The following TRIM37 variants were observed in gnomAD, a reference collection of about 807,000 sequenced individuals.
The protein encoded by TRIM37 is E3 ubiquitin-protein ligase TRIM37.
A neutral mutation model predicts 129.8 loss-of-function variants in TRIM37; 80 were observed. That is an observed-to-expected ratio of 0.62 (90% confidence interval 0.51 to 0.74). The LOEUF (loss-of-function observed/expected upper bound fraction) is 0.74. Among genes scored for constraint, TRIM37 ranks in the 30% least tolerant of loss-of-function variants. TRIM37 has a pLI of 0.00. For synonymous variants in TRIM37, 389 were observed against 387.1 expected (o/e 1.00, Z -0.06); for missense variants, 1,054 against 1,176.5 (o/e 0.90, Z 1.52).
At chr17:59,003,607 G>A (rs2034068145) in intron 22 of TRIM37, among the ~76,000 whole-genome samples, 1 of 143,606 alleles carries the variant, frequency 7.0e-6, no homozygotes, top group African/African-American at 2.6e-5. Flanking sequence ...TTGAATGACA[G>A]CAAAACTGGC....
intron 24 of TRIM37, among the ~76,000 whole-genome samples, chr17:58,986,136 T>C (rs1262788959): frequency 6.6e-6 from 1 of 152,188 alleles, no homozygotes; most frequent in Non-Finnish European, 1.5e-5. Flanking sequence ...CTGTCTGTAC[T>C]GACAAGCTGC....
At chr17:59,037,607 T>A (rs1190539278) in intron 17 of TRIM37, among the ~76,000 whole-genome samples, 2 of 151,022 alleles carry the variant, frequency 1.3e-5, no homozygotes, top group African/African-American at 2.4e-5. Flanking sequence ...TTAATTTTTT[T>A]ATTTTAGTAT....
At chr17:59,025,527 G>A (rs923191264) in intron 19 of TRIM37, among the ~76,000 whole-genome samples, 6 of 151,978 alleles carry the variant, frequency 3.9e-5, no homozygotes, top group African/African-American at 1.5e-4. Flanking sequence ...CAATGGGGAA[G>A]AGACAGTTGT....
rs762912390 is a variant in TRIM37 at position 59,081,953 on chromosome 17, TAAAAAAAA to T, written c.370-742_370-735del. 4.3e-3 allele frequency among the ~76,000 whole-genome samples: 484 copies of T among 113,316 alleles called. 4 individuals are homozygous for T. Among genetic ancestry groups the T allele is most frequent in the Non-Finnish European group, 5.6e-3 (323 of 58,054 alleles). The allele number at this position is 113,316 out of a possible 152,430, so 74.3% of individuals were successfully genotyped here. ...AATAAAAACCAAAAAAAAAAAAAAA[TAAAAAAAA>T]AAAAATAATAATAATAATAATAATA... is the stretch of plus-strand genomic sequence containing the variant. On this transcript the variant is annotated intron_variant, in intron 5 of 23. Transcript: ENST00000262294.
At chr17:58,968,307 C>A in the TRIM37 span, among the ~76,000 whole-genome samples, 1 of 152,032 alleles carries the variant, frequency 6.6e-6, no homozygotes, top group Non-Finnish European at 1.5e-5. Context: ...TGCCTGTAAT[C>A]CCAGCTACTT....
At chr17:59,102,281 G>A (rs1568268598) in intron 2 of TRIM37, among the ~76,000 whole-genome samples, 1 of 152,142 alleles carries the variant, frequency 6.6e-6, no homozygotes, top group Non-Finnish European at 1.5e-5. Context: ...AGGGGCAGGA[G>A]GAAGAAGATG....
chr17:59,042,443 A>AT (rs1281091065), intron 16 of TRIM37, among the ~76,000 whole-genome samples: 10 of 50,194 alleles, frequency 2.0e-4, no homozygotes, highest in African/African-American at 6.0e-4. Flanking sequence ...AAAAAAAAAA[A>AT]AAAAAAATAT....
downstream of TRIM37, among the ~76,000 whole-genome samples, chr17:58,993,828 T>A (rs561756365): frequency 6.6e-6 from 1 of 152,132 alleles, no homozygotes; most frequent in Non-Finnish European, 1.5e-5. Context: ...ATGTAGACCA[T>A]AACAGATGAA....
chr17:59,001,779 T>C, intron 22 of TRIM37, 65 bp from the exon 23 acceptor site: 2 of 1,590,692 alleles, frequency 1.3e-6, no homozygotes, highest in South Asian at 2.2e-5. Flanking sequence ...GAAACAGAAA[T>C]CTCCGTATCT....
At chr17:59,028,826 G>A in intron 18 of TRIM37, 103 bp from the exon 19 acceptor site, 1 of 1,176,826 alleles carries the variant, frequency 8.5e-7, no homozygotes, top group Non-Finnish European at 1.2e-6. Flanking sequence ...AAGCTAGCGT[G>A]CTTTACGTGG....
intron 17 of TRIM37, among the ~76,000 whole-genome samples, chr17:59,039,627 G>A (rs1028760810): frequency 2.0e-5 from 3 of 150,942 alleles, no homozygotes; most frequent in African/African-American, 4.9e-5. Context: ...TTACAGGTGT[G>A]AGCCACCACA....
intron 15 of TRIM37, 64 bp from the exon 16 acceptor site, chr17:59,047,883 T>C: frequency 1.3e-6 from 2 of 1,587,174 alleles, no homozygotes; most frequent in South Asian, 1.1e-5. Flanking sequence ...GATCACCCCA[T>C]CCAGCCCATA....
intron 13 of TRIM37, among the ~76,000 whole-genome samples, chr17:59,054,445 G>A (rs964106546): frequency 3.9e-5 from 6 of 151,992 alleles, no homozygotes; most frequent in Admixed American, 3.3e-4. Flanking sequence ...GGGATTACAA[G>A]TGCCTGCCAC....
intron 24 of TRIM37, among the ~76,000 whole-genome samples, chr17:58,988,221 C>T (rs948996783): frequency 6.6e-6 from 1 of 152,110 alleles, no homozygotes; most frequent in Non-Finnish European, 1.5e-5. Flanking sequence ...CTAGGGGAGT[C>T]GCCCTATCTT....
the TRIM37 span, among the ~76,000 whole-genome samples, chr17:58,976,276 C>T: frequency 2.0e-5 from 3 of 152,050 alleles, no homozygotes; most frequent in African/African-American, 7.2e-5. Flanking sequence ...GGGAGAATCT[C>T]TACAGATTAA....
chr17:59,082,499 CTGAA>C (rs2043387106), intron 5 of TRIM37, among the ~76,000 whole-genome samples: 1 of 152,072 alleles, frequency 6.6e-6, no homozygotes. Flanking sequence ...TTTACCACAG[CTGAA>C]TGAATTAGAA....
chr17:59,091,278 A>G (rs756308715), intron 3 of TRIM37, 22 bp downstream of exon 3: 3 of 1,581,676 alleles, frequency 1.9e-6, no homozygotes, highest in Non-Finnish European at 1.7e-6. Context: ...AAATTCACAA[A>G]TAATCGTAAG....
In TRIM37 at chr17:59,062,611, G is replaced by A. The variant is rs1222065290; in HGVS notation, c.898C>T (p.Pro300Ser). Residue 300 changes from proline (P) to serine (S), a missense_variant, in exon 11 of 24, where the codon CCT (proline) becomes TCT (serine). Physicochemically the swap from Pro to Ser is moderately conservative, Grantham distance 74. Transcript: ENST00000262294. Reference protein sequence around the residue: ...RQRADPVYSPPLQVSGLCWRL... With the variant: ...RQRADPVYSPSLQVSGLCWRL... The stretch of plus-strand genomic sequence containing the variant: ...CAGCAAAGTCCTGAAACTTGAAGAG[G>A]TGGACTGTAAACAGGATCTGCTCTC... The A allele has an allele frequency of 6.2e-7, 1 of 1,614,044 alleles. No homozygotes were observed. The highest frequency in any genetic ancestry group is 1.7e-4 in the Middle Eastern group (1 of 6,060).
At chr17:59,070,269 CCTCT>C (rs777978308) in intron 9 of TRIM37, among the ~76,000 whole-genome samples, 55 of 152,270 alleles carry the variant, frequency 3.6e-4, no homozygotes, top group Non-Finnish European at 6.3e-4. Context: ...ATAATTATTT[CCTCT>C]CTCTATCTTT....
Sources: allele counts gnomAD v4.1 joint callset (sites outside exome capture counted in the v4.1 genomes callset), GRCh38; gene constraint gnomAD v4.1.1; transcripts MANE v1.5; gene names NCBI Gene and HGNC (gene_info 2026-07-23, HGNC 2026-07-21).